Variants in ODF2L observed in about 807,000 individuals in gnomAD.
The protein encoded by ODF2L is outer dense fiber of sperm tails 2 like.
In ODF2L, 76 loss-of-function variants were observed where a neutral mutation model predicts 86.3. That is an observed-to-expected ratio of 0.88 (90% CI 0.73 to 1.07). ODF2L has a LOEUF of 1.07. ODF2L is among the 50% of genes least tolerant of loss of function. The pLI, the probability that ODF2L is intolerant of heterozygous loss-of-function variation, is 0.00. For missense variants in ODF2L, 748 were observed against 717.4 expected, an observed-to-expected ratio of 1.04 and a Z score of -0.49; for synonymous variants, 241 against 231.3, an observed-to-expected ratio of 1.04 and a Z score of -0.38.
At chr1:86,364,044 G>T (rs1659227432) in intron 11 of ODF2L, among the ~76,000 whole-genome samples, 1 of 151,962 alleles carries the variant, frequency 6.6e-6, no homozygotes, top group African/African-American at 2.4e-5. Context: ...AGAAAATAAT[G>T]CATTAAAAAT....
chr1:86,387,327 T>A (rs181619922), intron 1 of ODF2L, among the ~76,000 whole-genome samples: 72 of 152,246 alleles, frequency 4.7e-4, no homozygotes, highest in African/African-American at 1.6e-3. Context: ...TCCTAAATAA[T>A]CACAAGAGTG....
intron 16 of ODF2L, among the ~76,000 whole-genome samples, chr1:86,353,650 G>GTT (rs1247862314): frequency 6.6e-6 from 1 of 152,176 alleles, no homozygotes; most frequent in African/African-American, 2.4e-5. Flanking sequence ...CAAGGAGCTA[G>GTT]TGGAAAGGAC....
At chr1:86,395,538 A>G (rs1441150557) in intron 1 of ODF2L, among the ~76,000 whole-genome samples, 2 of 152,126 alleles carry the variant, frequency 1.3e-5, no homozygotes, top group African/African-American at 4.8e-5. Flanking sequence ...TCAATCCCGC[A>G]CTACAGGGGT....
At chr1:86,354,005 T>C (rs775146057) in intron 16 of ODF2L, among the ~76,000 whole-genome samples, 2 of 152,212 alleles carry the variant, frequency 1.3e-5, no homozygotes, top group African/African-American at 2.4e-5. Context: ...GCACTTAGGC[T>C]GAACCCTACA....
intron 14 of ODF2L, chr1:86,355,368 C>T (rs988850571): frequency 9.1e-6 from 14 of 1,538,160 alleles, no homozygotes; most frequent in Admixed American, 7.9e-5. Context: ...GAATATTCTT[C>T]CCACTGCTTC....
intron 8 of ODF2L, among the ~76,000 whole-genome samples, chr1:86,373,873 A>G (rs1157136207): frequency 6.6e-6 from 1 of 152,222 alleles, no homozygotes; most frequent in Admixed American, 6.5e-5. Flanking sequence ...GTGAACTCCC[A>G]TGAGGTAGGG....
intron 7 of ODF2L, among the ~76,000 whole-genome samples, chr1:86,380,897 C>G (rs1014021110): frequency 2.0e-5 from 3 of 151,492 alleles, no homozygotes; most frequent in Non-Finnish European, 4.4e-5. Context: ...CAACAAATTA[C>G]TCAACACTAA....
chr1:86,352,882 G>T lies in ODF2L; in HGVS notation c.1870C>A (p.Gln624Lys). The T allele has an allele frequency of 1.9e-6, 3 of 1,545,484 alleles. No homozygotes were observed. The South Asian group carries it at 3.4e-5, about 18-fold the overall frequency. Residue 624 changes from glutamine to lysine, a missense_variant, in exon 17 of 18, where the codon CAA becomes AAA. Physicochemically the swap from Gln to Lys is moderately conservative, Grantham distance 53 (BLOSUM62 1). Coordinates refer to ENST00000317336, the Ensembl canonical transcript of ODF2L. ...ACACTGTTCATTTTGCAAACAAGTT[G>T]ATTTTGTTCTTCATTTTTCTTTCTA...
At chr1:86,371,768 A>G (rs1268453772) in intron 9 of ODF2L, among the ~76,000 whole-genome samples, 1 of 152,202 alleles carries the variant, frequency 6.6e-6, no homozygotes, top group African/African-American at 2.4e-5. Context: ...ACTTTTAGAT[A>G]TATTTTCACA....
In ODF2L at chr1:86,384,813, TA is replaced by T; in HGVS notation, c.247-13del. On this transcript the variant is annotated splice_polypyrimidine_tract_variant and intron_variant, in intron 3 of 17. Coordinates refer to ENST00000317336, the Ensembl canonical transcript of ODF2L. ...GCAGAAAGATTCGCCTGACAAATTATAAGAACCACATACACATTTTAAGACA... is the reference window on the plus strand; with the variant it reads ...GCAGAAAGATTCGCCTGACAAATTATAGAACCACATACACATTTTAAGACA... 1 of 1,480,000 alleles carries T rather than the reference TA, an allele frequency of 6.8e-7. No homozygotes were observed. Among genetic ancestry groups the T allele is most frequent in the East Asian group, 2.6e-5 (1 of 38,076 alleles). The allele number at this position is 1,480,000 out of a possible 1,614,324, so 91.7% of individuals were successfully genotyped here.
chr1:86,392,083 A>C (rs1358019788), intron 1 of ODF2L, among the ~76,000 whole-genome samples: 2 of 152,214 alleles, frequency 1.3e-5, no homozygotes, highest in Non-Finnish European at 2.9e-5. Flanking sequence ...ACAAACATGA[A>C]AAAATGCTCA....
intron 14 of ODF2L, 147 bp from the exon 14 acceptor site, chr1:86,355,006 A>G: frequency 1.8e-6 from 1 of 560,304 alleles, no homozygotes; most frequent in East Asian, 2.9e-5. Context: ...AGAAAATGTT[A>G]TATTGTTAAA....
chr1:86,371,759 CTT>C (rs1418999556), intron 9 of ODF2L, among the ~76,000 whole-genome samples: 1 of 152,036 alleles, frequency 6.6e-6, no homozygotes, highest in Non-Finnish European at 1.5e-5. Context: ...TTATTATAAA[CTT>C]TTAGATATAT....
At chr1:86,380,781 CT>C (rs1181505621) in intron 7 of ODF2L, among the ~76,000 whole-genome samples, 1 of 152,018 alleles carries the variant, frequency 6.6e-6, no homozygotes. Flanking sequence ...AGAAAACGTT[CT>C]AATTCTAATT....
rs1005452971 is a variant in ODF2L at position 86,380,887 on chromosome 1, C to G, written c.624+1355G>C. ...ATGTAAATTTTTAAAAGACTCAATA[C>G]AACAAATTACTCAACACTAAAAAGT... On this transcript the variant is annotated intron_variant, in intron 7 of 17. Transcript: ENST00000317336. Among the ~76,000 whole-genome samples, 9 of 150,762 alleles carry G rather than the reference C, an allele frequency of 6.0e-5. No homozygotes were observed. The East Asian group carries it at 1.8e-3, about 30-fold the overall frequency.
chr1:86,367,202 CTT>C (rs1376256589), intron 11 of ODF2L, among the ~76,000 whole-genome samples: 2 of 152,244 alleles, frequency 1.3e-5, no homozygotes, highest in East Asian at 3.9e-4. Context: ...GTAAAAATTA[CTT>C]TCAATCTAGG....
intron 11 of ODF2L, among the ~76,000 whole-genome samples, chr1:86,362,271 ATTTTT>A (rs367986336): frequency 1.4e-5 from 2 of 145,692 alleles, no homozygotes; most frequent in Admixed American, 6.9e-5. Flanking sequence ...ATCTGACTAA[ATTTTT>A]TTTTTTTTTA....
chr1:86,386,871 C>G (rs770382747), intron 2 of ODF2L, 44 bp downstream of exon 2: 2 of 982,488 alleles, frequency 2.0e-6, no homozygotes, highest in Non-Finnish European at 3.2e-6. Context: ...ACAGGAAATC[C>G]TAGAATCGGA....
At chr1:86,361,462 C>T (rs1393305405) in intron 11 of ODF2L, among the ~76,000 whole-genome samples, 1 of 152,186 alleles carries the variant, frequency 6.6e-6, no homozygotes, top group Non-Finnish European at 1.5e-5. Context: ...ATACAAACAT[C>T]CTTCAAAAGA....
Sources: allele counts gnomAD v4.1 joint callset (sites outside exome capture counted in the v4.1 genomes callset), GRCh38; gene constraint gnomAD v4.1.1; transcripts MANE v1.5; gene names NCBI Gene and HGNC (gene_info 2026-07-23, HGNC 2026-07-21).